Variants in ALDH3B1 observed in about 807,000 individuals in gnomAD.
The protein encoded by ALDH3B1 is aldehyde dehydrogenase family 3 member B1.
Under a neutral mutation model 46.2 loss-of-function variants are expected in ALDH3B1, and 37 were observed. That is an observed-to-expected ratio of 0.80 (90% CI 0.62 to 1.05). The LOEUF is 1.05. ALDH3B1 is among the 50% of genes least tolerant of loss of function. ALDH3B1 has a pLI of 0.00. For missense variants in ALDH3B1, 603 were observed against 665.5 expected (o/e 0.91, Z 1.03); for synonymous variants, 283 against 281.0 (o/e 1.01, Z -0.07).
chr11:68,021,970 C>T, intron 7 of ALDH3B1, 99 bp downstream of exon 7: 1 of 1,505,170 alleles, frequency 6.6e-7, no homozygotes, highest in Non-Finnish European at 8.9e-7. Flanking sequence ...CGCCTGAAAC[C>T]TGGCCCCACT....
intron 2 of ALDH3B1, chr11:68,015,859 A>C: frequency 2.9e-6 from 1 of 349,326 alleles, no homozygotes; most frequent in Admixed American, 3.9e-5. Context: ...TGAGGCCAGG[A>C]GTTCAAGACC....
At chr11:68,022,801 A>C in intron 8 of ALDH3B1, 40 bp downstream of exon 8, 1 of 1,611,240 alleles carries the variant, frequency 6.2e-7, no homozygotes, top group South Asian at 1.1e-5. Flanking sequence ...AGGAGCCCGC[A>C]GTGGGCAGCA....
chr11:68,010,872 G>A (rs958690024), intron 1 of ALDH3B1, among the ~76,000 whole-genome samples: 2 of 152,212 alleles, frequency 1.3e-5, no homozygotes, highest in African/African-American at 4.8e-5. Context: ...TCTTAGCAAT[G>A]GACTTTGTCA....
chr11:68,025,988 G>C, intron 8 of ALDH3B1, 21 bp from the exon 9 acceptor site: 1 of 1,553,628 alleles, frequency 6.4e-7, no homozygotes, highest in South Asian at 1.2e-5. Flanking sequence ...GCAGCCTCAC[G>C]CACATCCTGT....
In ALDH3B1 at chr11:68,020,834, G is replaced by A. The variant is rs34109111; in HGVS notation, c.563-651G>A. Among the ~76,000 whole-genome samples, 10 of 152,170 alleles carry A rather than the reference G, an allele frequency of 6.6e-5. 1 individual carries two copies. The highest frequency in any genetic ancestry group is 2.4e-4 in the African/African-American group (10 of 41,438). The stretch of plus-strand genomic sequence containing the variant: ...CCACAGACGCAGCAGCGTGGTCCCC[G>A]AGTCAGGTCTGGAGAGGAGGCCTTG... On this transcript the variant is annotated intron_variant, in intron 6 of 9. Coordinates refer to ENST00000342456, the MANE Select transcript of ALDH3B1 (RefSeq NM_000694.4).
In ALDH3B1 at chr11:68,021,436, G is replaced by A. The variant is rs377568350; in HGVS notation, c.563-49G>A. ...GCGGGGCCGTGGGCTGGGCCATCCC[G>A]CCTGGTCCAGGTCACTGAACGGCCA... On this transcript the variant is annotated intron_variant, in intron 6 of 9. Transcript: ENST00000342456. 287 of 1,570,806 alleles carry A rather than the reference G, an allele frequency of 1.8e-4. 1 individual carries two copies. The East Asian group carries it at 3.0e-3, about 17-fold the overall frequency.
rs191402025 is a variant in ALDH3B1, at chr11:68,018,942, T to C, written c.394+49T>C. On this transcript the variant is annotated intron_variant, in intron 4 of 9. Transcript: ENST00000342456. Reference sequence around the variant, plus strand: ...CGGTCACCCTTCTCCGCTCGAGGCCTCAGGGCCACCCATGGATCCCAGGAG... The same window carrying C: ...CGGTCACCCTTCTCCGCTCGAGGCCCCAGGGCCACCCATGGATCCCAGGAG... 5.0e-4 allele frequency: 764 copies of C among 1,529,840 alleles called. 3 individuals carry two copies. In the African/African-American group the frequency reaches 8.6e-3, roughly 17 times the overall value. 94.8% of individuals were successfully genotyped at this position (1,529,840 alleles called of 1,614,324 possible). A position where few individuals can be genotyped will look rare whatever the true frequency, so the allele number is the denominator to read the frequency against.
intron 7 of ALDH3B1, among the ~76,000 whole-genome samples, chr11:68,022,261 C>T (rs1391302017): frequency 6.6e-6 from 1 of 152,222 alleles, no homozygotes; most frequent in African/African-American, 2.4e-5. Context: ...GGCTCAGCAG[C>T]TCATGGGACA....
At chr11:68,023,679 A>G (rs1024356102) in intron 8 of ALDH3B1, among the ~76,000 whole-genome samples, 1 of 151,992 alleles carries the variant, frequency 6.6e-6, no homozygotes, top group Non-Finnish European at 1.5e-5. Context: ...AAAATGGTAC[A>G]GAGAGTTCCC....
rs768481577 is a variant in ALDH3B1 at position 68,022,650 on chromosome 11, C to T, written c.1005C>T (p.Ile335=). The part of the protein sequence containing the change: ...QEMEPVMQEE[I]FGPILPIVNV... ...TGGAGCCTGTGATGCAGGAGGAGAT[C>T]TTCGGGCCCATCCTGCCCATCGTGA... Residue 335 remains isoleucine, a synonymous_variant, in exon 8 of 10, where the codon ATC becomes ATT. Transcript: ENST00000342456. 2.5e-6 allele frequency: 4 copies of T among 1,614,110 alleles called. No homozygotes were observed. In the South Asian group the frequency reaches 4.4e-5, roughly 18 times the overall value.
chr11:68,014,976 C>A, intron 1 of ALDH3B1: 1 of 306,220 alleles, frequency 3.3e-6, no homozygotes, highest in Non-Finnish European at 6.0e-6. Context: ...TGCCTGCTCA[C>A]CCTCGGGGGC....
intron 5 of ALDH3B1, 44 bp downstream of exon 5, chr11:68,019,299 T>C: frequency 1.3e-6 from 2 of 1,564,066 alleles, no homozygotes; most frequent in East Asian, 2.3e-5. Context: ...CAGGCAAGGC[T>C]CAAGGGCTGG....
intron 6 of ALDH3B1, among the ~76,000 whole-genome samples, chr11:68,020,604 G>A (rs959818298): frequency 8.5e-5 from 13 of 152,292 alleles, no homozygotes; most frequent in African/African-American, 2.4e-4. Context: ...GCGAGTCTGC[G>A]CCTTACAGGT....
At chr11:68,010,919 G>C (rs573490268) in intron 1 of ALDH3B1, among the ~76,000 whole-genome samples, 1 of 152,178 alleles carries the variant, frequency 6.6e-6, no homozygotes. Context: ...GCCCCGCCCC[G>C]CCTGCAGGAG....
rs1854636592 is a variant in ALDH3B1, at chr11:68,028,341, G to A, written c.*402G>A. On this transcript the variant is annotated 3_prime_UTR_variant, in exon 10 of 10. Transcript: ENST00000342456. Reference sequence around the variant, plus strand: ...ATCCAAGGCCATTCCTGCCCTCTCTGAGTCTCAGTTTTTCCATTTGTTCAG... The same window carrying A: ...ATCCAAGGCCATTCCTGCCCTCTCTAAGTCTCAGTTTTTCCATTTGTTCAG... The A allele has an allele frequency of 5.4e-6, 2 of 368,454 alleles. No homozygotes were observed. The highest frequency in any genetic ancestry group is 3.7e-5 in the Admixed American group (1 of 27,118). 22.8% of individuals were successfully genotyped at this position (368,454 alleles called of 1,614,324 possible).
At chr11:68,011,310 T>G (rs1857225969) in intron 1 of ALDH3B1, among the ~76,000 whole-genome samples, 1 of 152,102 alleles carries the variant, frequency 6.6e-6, no homozygotes, top group Non-Finnish European at 1.5e-5. Context: ...CAGACTGCTT[T>G]TTTCTAAGCG....
chr11:68,018,989 G>A, intron 4 of ALDH3B1, 96 bp downstream of exon 4: 1 of 1,488,478 alleles, frequency 6.7e-7, no homozygotes, highest in Non-Finnish European at 8.9e-7. Flanking sequence ...ACTGGCCCAG[G>A]TGGCAAAGAG....
chr11:68,019,897 C>A, intron 6 of ALDH3B1, 101 bp downstream of exon 6: 1 of 1,190,602 alleles, frequency 8.4e-7, no homozygotes, highest in Non-Finnish European at 1.2e-6. Flanking sequence ...ACTGAATTCT[C>A]CTCTCTCTCT....
intron 1 of ALDH3B1, among the ~76,000 whole-genome samples, chr11:68,014,546 C>T (rs762481563): frequency 2.0e-5 from 3 of 152,118 alleles, no homozygotes; most frequent in Admixed American, 6.5e-5. Flanking sequence ...GGCACCAGCA[C>T]GGAGGCAGGA....
Sources: gnomAD v4.1 joint callset for allele counts (sites outside exome capture counted in the v4.1 genomes callset) on GRCh38, gnomAD v4.1.1 for gene constraint, MANE v1.5 for transcripts, NCBI Gene and HGNC (gene_info 2026-07-23, HGNC 2026-07-21) for gene names.